Variants in WNT2 observed in about 807,000 individuals in gnomAD.
WNT2 encodes Wnt family member 2.
Under a neutral mutation model 36.9 loss-of-function variants are expected in WNT2, and 12 were observed. The ratio of observed to expected loss-of-function variants is 0.33; its 90% confidence interval spans 0.21 to 0.53. The LOEUF is 0.53. Ranked by LOEUF, WNT2 falls within the 20% of genes least tolerant of loss-of-function variation. The probability of loss-of-function intolerance (pLI) is 0.95; values close to 1 mark genes in which losing one functional copy is unlikely to be tolerated. For synonymous variants in WNT2, 163 were observed against 174.6 expected, an observed-to-expected ratio of 0.93 and a Z score of 0.52; for missense variants, 379 against 473.1, an observed-to-expected ratio of 0.80 and a Z score of 1.84.
chr7:117,307,012 T>A (rs903640976), intron 3 of WNT2, among the ~76,000 whole-genome samples: 4 of 152,178 alleles, frequency 2.6e-5, no homozygotes, highest in Non-Finnish European at 5.9e-5. Flanking sequence ...GCCTTTGACC[T>A]GCAGAGGCTA....
At chr7:117,288,906 CT>C (rs1794634511) in intron 4 of WNT2, among the ~76,000 whole-genome samples, 2 of 151,970 alleles carry the variant, frequency 1.3e-5, no homozygotes, top group Non-Finnish European at 2.9e-5. Flanking sequence ...AGTATTTTTG[CT>C]GTTAATATGA....
chr7:117,283,890 T>C (rs991723131), intron 4 of WNT2, among the ~76,000 whole-genome samples: 1 of 151,996 alleles, frequency 6.6e-6, no homozygotes, highest in African/African-American at 2.4e-5. Context: ...AGAGAGGGTT[T>C]TTGAGGATTG....
At chr7:117,315,049 G>T (rs760541334) in intron 3 of WNT2, 22 bp downstream of exon 3, 1 of 1,611,070 alleles carries the variant, frequency 6.2e-7, no homozygotes, top group Admixed American at 1.7e-5. Flanking sequence ...CCTACAAAAT[G>T]AGCACCGTTG....
intron 3 of WNT2, among the ~76,000 whole-genome samples, chr7:117,302,556 G>T (rs777944818): frequency 6.6e-6 from 1 of 152,144 alleles, no homozygotes; most frequent in Non-Finnish European, 1.5e-5. Context: ...CCTTGACCTG[G>T]TGATTCCACT....
At chr7:117,318,013 G>T (rs1472467570) in intron 2 of WNT2, among the ~76,000 whole-genome samples, 1 of 152,102 alleles carries the variant, frequency 6.6e-6, no homozygotes, top group African/African-American at 2.4e-5. Context: ...TTGTTTCTCT[G>T]CCTGTGACTG....
rs1795347750 is a variant in WNT2, at chr7:117,322,454, T to C, written c.83+453A>G. Among the ~76,000 whole-genome samples, 1 of 146,526 alleles carries C rather than the reference T, an allele frequency of 6.8e-6. No homozygotes were observed. The highest frequency in any genetic ancestry group is 1.5e-5 in the Non-Finnish European group (1 of 66,990). ...TTCTACAACTCCTGACTGGCTGAAT[T>C]GGCCCGTCGATTTACCTTGAGGCAG... On this transcript the variant is annotated intron_variant, in intron 1 of 4. Coordinates refer to ENST00000265441, the MANE Select transcript of WNT2 (RefSeq NM_003391.3). The surrounding 1 kb of genome is among the most constrained non-coding windows in gnomAD (Gnocchi z 5.4).
chr7:117,308,597 T>C (rs1360798076), intron 3 of WNT2, among the ~76,000 whole-genome samples: 2 of 152,182 alleles, frequency 1.3e-5, no homozygotes, highest in Admixed American at 6.5e-5. Context: ...GATCTAACTT[T>C]TAAAAATGCT....
intron 3 of WNT2, among the ~76,000 whole-genome samples, chr7:117,299,981 A>C (rs1794871881): frequency 6.6e-6 from 1 of 152,142 alleles, no homozygotes; most frequent in Non-Finnish European, 1.5e-5. Context: ...CCTTGCTAAC[A>C]GTTTTTGTTC....
chr7:117,306,917 A>G (rs369654733), intron 3 of WNT2, among the ~76,000 whole-genome samples: 47 of 152,226 alleles, frequency 3.1e-4, no homozygotes, highest in Non-Finnish European at 5.7e-4. Context: ...AAGCTCTTCA[A>G]TAGGCTCATA....
intron 2 of WNT2, among the ~76,000 whole-genome samples, chr7:117,320,070 G>A (rs1174829160): frequency 6.6e-6 from 1 of 152,202 alleles, no homozygotes; most frequent in East Asian, 1.9e-4. Context: ...GTAGCTAAAT[G>A]GAAGGTGAAA....
At chr7:117,300,522 G>A (rs1327848147) in intron 3 of WNT2, among the ~76,000 whole-genome samples, 2 of 152,116 alleles carry the variant, frequency 1.3e-5, no homozygotes, top group Non-Finnish European at 2.9e-5. Flanking sequence ...CGTGAGGTGG[G>A]GGCACGGTGG....
At chr7:117,300,234 T>C (rs558019898) in intron 3 of WNT2, among the ~76,000 whole-genome samples, 3 of 152,292 alleles carry the variant, frequency 2.0e-5, no homozygotes, top group Middle Eastern at 3.4e-3. Flanking sequence ...GTTGCCAGGG[T>C]GGAGTGCAGT....
At chr7:117,301,238 G>A (rs1441668806) in intron 3 of WNT2, among the ~76,000 whole-genome samples, 1 of 152,196 alleles carries the variant, frequency 6.6e-6, no homozygotes, top group Non-Finnish European at 1.5e-5. Context: ...AGCATGTTCA[G>A]TGCTCAATTG....
intron 2 of WNT2, among the ~76,000 whole-genome samples, chr7:117,317,960 G>A (rs1418132975): frequency 6.6e-6 from 1 of 152,152 alleles, no homozygotes; most frequent in Non-Finnish European, 1.5e-5. Context: ...AATTTTGGAG[G>A]TGTATTCTTG....
chr7:117,307,145 G>C lies in WNT2; in HGVS notation c.588+7926C>G, dbSNP rs74946607. 6.8e-3 allele frequency among the ~76,000 whole-genome samples: 1,028 copies of C among 152,152 alleles called. 20 individuals are homozygous for C. The highest frequency in any genetic ancestry group is 0.021 in the African/African-American group (882 of 41,518). ...AGTCTGTTTAAAAAAAAGAGCTATG[G>C]AAGAAGAAAATACATGCATTGTGTA... On this transcript the variant is annotated intron_variant, in intron 3 of 4. Coordinates refer to ENST00000265441, the MANE Select transcript of WNT2 (RefSeq NM_003391.3).
intron 1 of WNT2, among the ~76,000 whole-genome samples, chr7:117,321,088 C>T (rs746513664): frequency 6.6e-6 from 1 of 152,038 alleles, no homozygotes; most frequent in African/African-American, 2.4e-5. Context: ...GAGGCAAAGT[C>T]GGCATTTGGG....
At chr7:117,289,410 C>G (rs916694843) in intron 4 of WNT2, among the ~76,000 whole-genome samples, 2 of 152,080 alleles carry the variant, frequency 1.3e-5, no homozygotes, top group African/African-American at 4.8e-5. Context: ...ACATCTGAAA[C>G]TCCATAAATG....
intron 4 of WNT2, among the ~76,000 whole-genome samples, chr7:117,289,128 C>T (rs1398415553): frequency 2.9e-5 from 4 of 138,846 alleles, no homozygotes; most frequent in Non-Finnish European, 4.5e-5. Flanking sequence ...GGCACAATCT[C>T]GGCTCACTGC....
chr7:117,300,478 C>T lies in WNT2; in HGVS notation c.589-2602G>A, dbSNP rs1252263124. On this transcript the variant is annotated intron_variant, in intron 3 of 4. Transcript: ENST00000265441. Reference sequence around the variant, plus strand: ...GGGATTACAGGCGTGAGCCATCGTACCTGGCCATGTTTCTTCACTCTTTAA... The same window carrying T: ...GGGATTACAGGCGTGAGCCATCGTATCTGGCCATGTTTCTTCACTCTTTAA... Among the ~76,000 whole-genome samples the T allele has an allele frequency of 2.0e-5, 3 of 152,196 alleles. No individual in the cohort carries two copies. In the East Asian group the frequency reaches 5.9e-4, roughly 30 times the overall value.
Sources: allele counts gnomAD v4.1 joint callset (sites outside exome capture counted in the v4.1 genomes callset), GRCh38; gene constraint gnomAD v4.1.1; non-coding constraint Gnocchi (gnomAD v3.1); transcripts MANE v1.5; gene names NCBI Gene and HGNC (gene_info 2026-07-23, HGNC 2026-07-21).